The following ATRX variants were observed in gnomAD, a reference collection of about 807,000 sequenced individuals.
The protein encoded by ATRX is chromatin remodeler ATRX.
ATRX carries 12 observed loss-of-function variants against 172.6 expected under a neutral mutation model. That is an observed-to-expected ratio of 0.07 (90% CI 0.04 to 0.11). The LOEUF (loss-of-function observed/expected upper bound fraction) is 0.11. Among genes scored for constraint, ATRX ranks in the 10% least tolerant of loss-of-function variants. The pLI, the probability that ATRX is intolerant of heterozygous loss-of-function variation, is 1.00. For missense variants in ATRX, 1,368 were observed against 1,767.4 expected (o/e 0.77, Z 4.05); for synonymous variants, 674 against 594.7 (o/e 1.13, Z -1.94).
intron 13 of ATRX, 61 bp from the exon 14 acceptor site, chrX:77,654,261 T>C: frequency 2.1e-6 from 2 of 974,883 alleles, no homozygotes; most frequent in African/African-American, 1.9e-5. Context: ...CAATAAGTTA[T>C]GTACTATTTT....
chrX:77,635,142 C>CGTG (rs1308565735), intron 16 of ATRX, among the ~76,000 whole-genome samples: 1 of 110,670 alleles, frequency 9.0e-6, no homozygotes, highest in Non-Finnish European at 1.9e-5. Flanking sequence ...ATTAGCTGGG[C>CGTG]GTGGTGGTGG....
In ATRX at chrX:77,542,356, T is replaced by C. The variant is rs547317741; in HGVS notation, c.6699+15095A>G. On this transcript the variant is annotated intron_variant, in intron 30 of 34. Transcript: ENST00000373344. ...TGGAAAAACATTCCATGCTGAAAGA[T>C]AGGAAGAATCAATATCGTGAAAATG... Among the ~76,000 whole-genome samples, 506 of 111,715 alleles carry C rather than the reference T, an allele frequency of 4.5e-3. 1 individual carries two copies. The highest frequency in any genetic ancestry group is 0.033 in the Middle Eastern group (7 of 214).
intron 1 of ATRX, among the ~76,000 whole-genome samples, chrX:77,718,330 G>A (rs1444744646): frequency 1.9e-5 from 2 of 107,150 alleles, no homozygotes; most frequent in African/African-American, 6.8e-5. Context: ...CCATCGCCCA[G>A]GGAAATATTT....
At position 77,681,804 on chromosome X, in the gene ATRX, C is replaced by T. The variant is rs782073135; in HGVS notation, c.3452G>A (p.Ser1151Asn). The change falls in exon 9 of 35, where the codon AGT becomes AAT. Residue 1151 changes from serine to asparagine, a missense_variant. By Grantham distance (46) the Ser-to-Asn change is conservative (BLOSUM62 1). This residue lies in a region of ATRX where 843 missense variants were observed against 643.1 expected (regional missense o/e 1.31). Coordinates refer to ENST00000373344, the MANE Select transcript of ATRX (RefSeq NM_000489.6). ...SSKRNTKEIQSGSSSSDAEES... is the reference protein window; with the variant it reads ...SSKRNTKEIQNGSSSSDAEES... The stretch of plus-strand genomic sequence containing the variant: ...CTCAGCATCAGATGATGATGAGCCA[C>T]TTTGTATTTCCTTAGTATTTCTCTT... 8.3e-7 allele frequency: 1 copy of T among 1,197,709 alleles called. No individual in the cohort carries two copies. Among genetic ancestry groups the T allele is most frequent in the East Asian group, 3.0e-5 (1 of 33,731 alleles).
chrX:77,698,460 G>C, intron 3 of ATRX, 114 bp downstream of exon 3: 1 of 597,367 alleles, frequency 1.7e-6, no homozygotes, highest in Non-Finnish European at 2.7e-6. Flanking sequence ...GAAGTATAAT[G>C]ACAACTGGGT....
At position 77,692,541 on chromosome X, in the gene ATRX, A is replaced by G. The variant is rs990144290; in HGVS notation, c.484+1283T>C. 3.6e-5 allele frequency among the ~76,000 whole-genome samples: 4 copies of G among 112,346 alleles called. No homozygotes were observed. The East Asian group carries it at 1.1e-3, about 31-fold the overall frequency. On this transcript the variant is annotated intron_variant, in intron 6 of 34. Coordinates refer to ENST00000373344, the MANE Select transcript of ATRX (RefSeq NM_000489.6). Reference sequence around the variant, plus strand: ...TCCAGCAAGATAATCATAGCATTAAAATAAAAATCCACACAAAATTTCACC... The same window carrying G: ...TCCAGCAAGATAATCATAGCATTAAGATAAAAATCCACACAAAATTTCACC...
chrX:77,599,926 G>A, intron 23 of ATRX, 106 bp from the exon 24 acceptor site: 2 of 647,064 alleles, frequency 3.1e-6, no homozygotes, highest in Non-Finnish European at 4.9e-6. Context: ...AGCTGAGGAA[G>A]GACTGAGGAA....
At chrX:77,557,683 A>C in intron 29 of ATRX, 38 bp from the exon 30 acceptor site, 2 of 1,111,159 alleles carry the variant, frequency 1.8e-6, no homozygotes, top group Non-Finnish European at 2.4e-6. Flanking sequence ...AAAAAATAAA[A>C]TTTTGTAAGC....
chrX:77,741,863 T>C (rs956456431), intron 1 of ATRX, among the ~76,000 whole-genome samples: 13 of 112,116 alleles, frequency 1.2e-4, no homozygotes, highest in Non-Finnish European at 1.3e-4. Context: ...TATGAAATCA[T>C]TGCCAAATCC....
intron 1 of ATRX, among the ~76,000 whole-genome samples, chrX:77,773,535 C>T (rs782214060): frequency 4.5e-5 from 5 of 110,680 alleles, no homozygotes; most frequent in South Asian, 3.8e-4. Context: ...GGGCGGATCA[C>T]GAAGTCAGGA....
intron 26 of ATRX, among the ~76,000 whole-genome samples, chrX:77,593,302 G>A (rs1557082008): frequency 2.7e-5 from 3 of 110,164 alleles, no homozygotes; most frequent in Non-Finnish European, 1.9e-5. Flanking sequence ...CCTGAGAGAT[G>A]TCCACTAGAT....
intron 27 of ATRX, among the ~76,000 whole-genome samples, chrX:77,578,462 T>C (rs1238657069): frequency 1.8e-5 from 2 of 112,257 alleles, no homozygotes; most frequent in Non-Finnish European, 3.8e-5. Flanking sequence ...GCAACTTGGA[T>C]ACCAGCTCAG....
At chrX:77,716,318 AAAAAAATAT>A (rs2073409333) in intron 2 of ATRX, among the ~76,000 whole-genome samples, 1 of 60,268 alleles carries the variant, frequency 1.7e-5, no homozygotes, top group Non-Finnish European at 3.3e-5. Context: ...AAAAAAAAAA[AAAAAAATAT>A]ATATATATAT....
chrX:77,663,864 G>A (rs2070070060), intron 11 of ATRX, among the ~76,000 whole-genome samples: 1 of 111,601 alleles, frequency 9.0e-6, no homozygotes, highest in Non-Finnish European at 1.9e-5. Flanking sequence ...CTCTTTGGGA[G>A]GCCGAGGTGG....
chrX:77,547,237 A>C (rs782237256), intron 30 of ATRX, among the ~76,000 whole-genome samples: 1 of 110,676 alleles, frequency 9.0e-6, no homozygotes, highest in African/African-American at 3.3e-5. Context: ...TCTATCCTAA[A>C]CTCTCCCCAA....
intron 30 of ATRX, among the ~76,000 whole-genome samples, chrX:77,549,542 A>G (rs2064385487): frequency 8.9e-6 from 1 of 112,606 alleles, no homozygotes; most frequent in South Asian, 3.6e-4. Context: ...AACAGAGGTT[A>G]GCTATTAATT....
chrX:77,705,149 G>A (rs1390971259), intron 2 of ATRX, among the ~76,000 whole-genome samples: 1 of 110,567 alleles, frequency 9.0e-6, no homozygotes, highest in Non-Finnish European at 1.9e-5. Flanking sequence ...TTCTGTAGCC[G>A]CAGTTTGGGA....
chrX:77,682,749 G>T lies in ATRX; in HGVS notation c.2507C>A (p.Thr836Asn), dbSNP rs1603219919. 8.3e-7 allele frequency: 1 copy of T among 1,209,791 alleles called. No homozygotes were observed. The highest frequency in any genetic ancestry group is 2.2e-5 in the Admixed American group (1 of 45,864). ...KSMSKIGAAR[T>N]TKKRIPNTKD... ...TGTATTTGGAATTCTTTTTTTGGTG[G>T]TTCTGGCAGCACCAATTTTACTCAT... Residue 836 changes from threonine to asparagine, a missense_variant, in exon 9 of 35, where the codon ACC (threonine) becomes AAC (asparagine). Coordinates refer to ENST00000373344, the MANE Select transcript of ATRX (RefSeq NM_000489.6).
chrX:77,701,797 G>A (rs1431498738), intron 2 of ATRX, among the ~76,000 whole-genome samples: 2 of 112,157 alleles, frequency 1.8e-5, no homozygotes, highest in Non-Finnish European at 3.8e-5. Flanking sequence ...CAGGCGCGGT[G>A]GCTGATGCCT....
Sources: allele counts gnomAD v4.1 joint callset (sites outside exome capture counted in the v4.1 genomes callset), GRCh38; gene constraint gnomAD v4.1.1; regional missense constraint gnomAD v4.1.1; transcripts MANE v1.5; gene names NCBI Gene and HGNC (gene_info 2026-07-23, HGNC 2026-07-21).